The following PLCE1 variants were observed in gnomAD, a reference collection of about 807,000 sequenced individuals.
PLCE1 encodes 1-phosphatidylinositol 4,5-bisphosphate phosphodiesterase epsilon-1.
In PLCE1, 119 loss-of-function variants were observed where a neutral mutation model predicts 242.8. The observed-to-expected ratio is 0.49, with a 90% confidence interval of 0.42 to 0.57. The LOEUF (loss-of-function observed/expected upper bound fraction) is 0.57. Among genes scored for constraint, PLCE1 ranks in the 20% least tolerant of loss-of-function variants. PLCE1 has a pLI of 0.00. For synonymous variants in PLCE1, 945 were observed against 1,017.4 expected, an observed-to-expected ratio of 0.93 and a Z score of 1.35; for missense variants, 2,441 against 2,788.8, an observed-to-expected ratio of 0.88 and a Z score of 2.81.
At chr10:94,193,272 C>T (rs1011364501) in intron 4 of PLCE1, among the ~76,000 whole-genome samples, 7 of 152,120 alleles carry the variant, frequency 4.6e-5, no homozygotes, top group Non-Finnish European at 1.0e-4. Flanking sequence ...GGATGGGAAA[C>T]TAGGGTGCAG....
At chr10:94,203,683 A>G (rs2049051195) in intron 4 of PLCE1, among the ~76,000 whole-genome samples, 1 of 152,196 alleles carries the variant, frequency 6.6e-6, no homozygotes, top group African/African-American at 2.4e-5. Flanking sequence ...ACATAAGCAG[A>G]AATAAAAAGA....
chr10:94,167,699 G>A (rs1042507711), intron 3 of PLCE1, among the ~76,000 whole-genome samples: 1 of 129,008 alleles, frequency 7.8e-6, no homozygotes, highest in Non-Finnish European at 1.6e-5. Context: ...TCCCCGGTGT[G>A]TTCTCATTGT....
At chr10:94,303,118 T>A (rs1589507136) in intron 24 of PLCE1, among the ~76,000 whole-genome samples, 2 of 152,338 alleles carry the variant, frequency 1.3e-5, no homozygotes, top group Middle Eastern at 6.8e-3. Flanking sequence ...ACACTAGGAA[T>A]TCCTGCACAA....
At chr10:94,177,882 C>A (rs532216498) in intron 4 of PLCE1, among the ~76,000 whole-genome samples, 1 of 152,328 alleles carries the variant, frequency 6.6e-6, no homozygotes, top group Non-Finnish European at 1.5e-5. Context: ...GCAGGGCATC[C>A]TTCCTCCCTT....
At chr10:94,284,400 T>G (rs1211765782) in intron 21 of PLCE1, among the ~76,000 whole-genome samples, 3 of 152,124 alleles carry the variant, frequency 2.0e-5, no homozygotes, top group Admixed American at 6.5e-5. Flanking sequence ...ACGGGCCAGA[T>G]AGCAGAGGAA....
In PLCE1 at chr10:94,298,393, A is replaced by G; in HGVS notation, c.5182A>G (p.Ile1728Val). The change falls in exon 24 of 33, where the codon ATT becomes GTT. Residue 1728 changes from isoleucine to valine, a missense_variant. By Grantham distance (29) the Ile-to-Val change is conservative. Transcript: ENST00000371380. This position sits in a 1 kb window ranked among gnomAD's most constrained non-coding sequence, Gnocchi z 5.2. Reference protein sequence around the residue: ...KTSGKSSCEGIRQTWEESSSP... With the variant: ...KTSGKSSCEGVRQTWEESSSP... ...GGGGGGTTTAGGTTCCTGTGAAGGC[A>G]TTCGACAGACCTGGGAGGAATCTTC... The G allele has an allele frequency of 6.2e-7, 1 of 1,614,154 alleles. No individual in the cohort carries two copies. The highest frequency in any genetic ancestry group is 8.5e-7 in the Non-Finnish European group (1 of 1,179,984).
Position 94,306,816 on chromosome 10 carries a change from G to A in PLCE1, c.5884+128G>A, listed in dbSNP as rs1255160127. On this transcript the variant is annotated intron_variant, in intron 26 of 32. Transcript: ENST00000371380. The surrounding 1 kb of genome is among the most constrained non-coding windows in gnomAD (Gnocchi z 5.7). ...AAGAAGTTGAATTAAGAAGCAAAAG[G>A]AAATACAAATTGGAGCACTTTTGAA... The A allele has an allele frequency of 7.5e-6, 6 of 800,614 alleles. No individual in the cohort carries two copies. The Admixed American group carries it at 8.9e-5, about 12-fold the overall frequency. 49.6% of individuals were successfully genotyped at this position (800,614 alleles called of 1,614,324 possible).
chr10:94,062,398 C>A (rs535879627), intron 2 of PLCE1, among the ~76,000 whole-genome samples: 1 of 152,144 alleles, frequency 6.6e-6, no homozygotes, highest in East Asian at 1.9e-4. Flanking sequence ...CTCAAGCAAT[C>A]CTCCTGCCTC....
At chr10:94,097,287 T>C (rs776887618) in intron 2 of PLCE1, among the ~76,000 whole-genome samples, 18 of 152,182 alleles carry the variant, frequency 1.2e-4, no homozygotes, top group Non-Finnish European at 2.2e-4. Context: ...TCTTAAAGAT[T>C]TGGTCATCAT....
At chr10:94,137,370 A>G (rs533349101) in intron 3 of PLCE1, among the ~76,000 whole-genome samples, 105 of 152,288 alleles carry the variant, frequency 6.9e-4, no homozygotes, top group South Asian at 1.0e-3. Flanking sequence ...TTAATGTTTT[A>G]CCTACTGAAA....
chr10:94,131,420 A>T (rs2046594804), intron 2 of PLCE1, among the ~76,000 whole-genome samples: 1 of 152,202 alleles, frequency 6.6e-6, no homozygotes, highest in African/African-American at 2.4e-5. Flanking sequence ...CAGGGTCTAT[A>T]TACATGCACA....
chr10:94,262,247 T>G (rs1006311535), intron 13 of PLCE1, among the ~76,000 whole-genome samples: 1 of 152,094 alleles, frequency 6.6e-6, no homozygotes. Context: ...GTGGTCCACC[T>G]GCCTCAGCCT....
chr10:94,069,644 A>G (rs1329389314), intron 2 of PLCE1, among the ~76,000 whole-genome samples: 1 of 152,080 alleles, frequency 6.6e-6, no homozygotes, highest in African/African-American at 2.4e-5. Context: ...AAACAAATAA[A>G]CAGACTAGAG....
intron 4 of PLCE1, among the ~76,000 whole-genome samples, chr10:94,179,530 T>TTTA (rs10636243): frequency 7.6e-5 from 9 of 118,820 alleles, no homozygotes; most frequent in African/African-American, 1.9e-4. Context: ...TTTTTTTTTT[T>TTTA]GACAGGGTCT....
chr10:94,284,811 C>A (rs775250920), intron 21 of PLCE1, 37 bp from the exon 22 acceptor site: 9 of 1,094,742 alleles, frequency 8.2e-6, no homozygotes, highest in Admixed American at 3.4e-5. Flanking sequence ...GTAGCATATA[C>A]CTTCCATGTA....
intron 3 of PLCE1, among the ~76,000 whole-genome samples, chr10:94,164,057 C>T (rs1389111383): frequency 6.6e-6 from 1 of 152,108 alleles, no homozygotes; most frequent in Non-Finnish European, 1.5e-5. Flanking sequence ...GTGGGTAACC[C>T]GACCTTTCTC....
At chr10:94,215,471 A>G (rs901916403) in intron 4 of PLCE1, among the ~76,000 whole-genome samples, 6 of 152,158 alleles carry the variant, frequency 3.9e-5, no homozygotes, top group Non-Finnish European at 7.3e-5. Flanking sequence ...CAGGAAGGTT[A>G]TATTAGCACA....
At chr10:94,129,445 T>C (rs568676587) in intron 2 of PLCE1, among the ~76,000 whole-genome samples, 1 of 152,356 alleles carries the variant, frequency 6.6e-6, no homozygotes, top group East Asian at 1.9e-4. Context: ...AGAGATTTAC[T>C]GAGATTTTTT....
intron 22 of PLCE1, chr10:94,287,026 C>T (rs1301178014): frequency 6.6e-6 from 1 of 152,166 alleles, no homozygotes; most frequent in Non-Finnish European, 1.5e-5. Context: ...CACAAATTCC[C>T]AAAGATATTT....
Sources: allele counts gnomAD v4.1 joint callset (sites outside exome capture counted in the v4.1 genomes callset), GRCh38; gene constraint gnomAD v4.1.1; non-coding constraint Gnocchi (gnomAD v3.1); transcripts MANE v1.5; gene names NCBI Gene and HGNC (gene_info 2026-07-23, HGNC 2026-07-21).